Variants in RBFOX3 observed in about 807,000 individuals in gnomAD.
RBFOX3 encodes RNA binding fox-1 homolog 3.
A neutral mutation model predicts 48.7 loss-of-function variants in RBFOX3; 17 were observed. The observed-to-expected ratio is 0.35, with a 90% confidence interval of 0.24 to 0.52. The LOEUF (loss-of-function observed/expected upper bound fraction) is 0.52, where lower values mean the gene tolerates loss of function less well. Among genes scored for constraint, RBFOX3 ranks in the 20% least tolerant of loss-of-function variants. RBFOX3 has a pLI of 0.94. For synonymous variants in RBFOX3, 212 were observed against 209.5 expected, an observed-to-expected ratio of 1.01 and a Z score of -0.10; for missense variants, 382 against 497.5, an observed-to-expected ratio of 0.77 and a Z score of 2.21.
chr17:79,598,911 G>A (rs1238429154), intron 1 of RBFOX3: 1 of 152,134 alleles, frequency 6.6e-6, no homozygotes, highest in Admixed American at 6.6e-5. Flanking sequence ...TCTCATCTCA[G>A]TTCCACAGAG....
chr17:79,546,585 T>A (rs528516881), intron 1 of RBFOX3, among the ~76,000 whole-genome samples: 1 of 151,714 alleles, frequency 6.6e-6, no homozygotes, highest in South Asian at 2.1e-4. Context: ...TCTGACGGCT[T>A]CCCAGCTGCA....
chr17:79,194,162 G>A (rs946395407), intron 4 of RBFOX3, among the ~76,000 whole-genome samples: 11 of 152,184 alleles, frequency 7.2e-5, no homozygotes, highest in African/African-American at 2.2e-4. Flanking sequence ...CGCTGTCCTC[G>A]CTCCCACAGC....
intron 2 of RBFOX3, among the ~76,000 whole-genome samples, chr17:79,320,970 A>C (rs1449095148): frequency 6.6e-6 from 1 of 152,104 alleles, no homozygotes; most frequent in East Asian, 1.9e-4. Flanking sequence ...TCACAGCAAC[A>C]CTGGATCCTA....
chr17:79,293,365 T>TC (rs2073712209), intron 3 of RBFOX3, among the ~76,000 whole-genome samples: 1 of 18,246 alleles, frequency 5.5e-5, no homozygotes, highest in Non-Finnish European at 1.1e-4. Flanking sequence ...CTCCCTCCCC[T>TC]CCCCCTCCCT....
chr17:79,361,140 G>T lies in RBFOX3; in HGVS notation c.-174-53316C>A, dbSNP rs1376262370. Among the ~76,000 whole-genome samples, 1 of 152,042 alleles carries T rather than the reference G, an allele frequency of 6.6e-6. No homozygotes were observed. Among genetic ancestry groups the T allele is most frequent in the East Asian group, 1.9e-4 (1 of 5,174 alleles). On this transcript the variant is annotated intron_variant, in intron 2 of 14. Transcript: ENST00000693108. The surrounding 1 kb of genome is among the most constrained non-coding windows in gnomAD (Gnocchi z 4.5). ...TTTGGCTCCAAAGGTTTGAAAGAGG[G>T]TGACAGACAGCTGTCACCCTCCCTC...
intron 2 of RBFOX3, among the ~76,000 whole-genome samples, chr17:79,353,226 G>A (rs2084301726): frequency 6.6e-6 from 1 of 152,226 alleles, no homozygotes; most frequent in Admixed American, 6.5e-5. Flanking sequence ...TGGTGCGCAA[G>A]TGTGTGTTTG....
chr17:79,116,685 G>C (rs1264918720), intron 4 of RBFOX3, among the ~76,000 whole-genome samples: 1 of 152,240 alleles, frequency 6.6e-6, no homozygotes, highest in South Asian at 2.1e-4. Context: ...GGGGCAGGGA[G>C]GGTTCCAGCC....
chr17:79,540,711 G>A (rs781840946), intron 1 of RBFOX3, among the ~76,000 whole-genome samples: 6 of 152,230 alleles, frequency 3.9e-5, no homozygotes, highest in African/African-American at 9.6e-5. Flanking sequence ...TGTGGCCTCC[G>A]CCAGGTTGTG....
At position 79,091,615 on chromosome 17, in the gene RBFOX3, G is replaced by T. The variant is rs549466675; in HGVS notation, c.1078-730C>A. 2.0e-5 allele frequency among the ~76,000 whole-genome samples: 3 copies of T among 152,338 alleles called. No homozygotes were observed. The South Asian group carries it at 6.2e-4, about 32-fold the overall frequency. ...GAGGGGACTGACCTGGGGCTGACCG[G>T]CCTGCGCTCAGGGGAGGGCCTGAGC... On this transcript the variant is annotated intron_variant, in intron 14 of 14. Coordinates refer to ENST00000693108, the MANE Select transcript of RBFOX3 (RefSeq NM_001350451.2).
At chr17:79,213,380 G>T (rs990807210) in intron 4 of RBFOX3, among the ~76,000 whole-genome samples, 9 of 152,206 alleles carry the variant, frequency 5.9e-5, no homozygotes, top group African/African-American at 1.9e-4. Context: ...GTCTTCACCA[G>T]CAGTCCAGGC....
At chr17:79,563,114 T>G (rs1198225033) in intron 1 of RBFOX3, among the ~76,000 whole-genome samples, 2 of 152,098 alleles carry the variant, frequency 1.3e-5, no homozygotes, top group Non-Finnish European at 2.9e-5. Flanking sequence ...TTAGGAACAT[T>G]TGAAATGAAG....
At chr17:79,123,649 T>A (rs370248294) in intron 4 of RBFOX3, among the ~76,000 whole-genome samples, 3 of 151,996 alleles carry the variant, frequency 2.0e-5, no homozygotes, top group Non-Finnish European at 4.4e-5. Flanking sequence ...CAAGCTCTAG[T>A]GTACCCCACA....
At chr17:79,476,077 G>A (rs2077701859) in intron 2 of RBFOX3, among the ~76,000 whole-genome samples, 1 of 152,334 alleles carries the variant, frequency 6.6e-6, no homozygotes, top group Admixed American at 6.5e-5. Context: ...TGCTCTGGGG[G>A]CCACTGACAC....
chr17:79,136,688 A>G (rs2143772584), intron 4 of RBFOX3, among the ~76,000 whole-genome samples: 1 of 152,122 alleles, frequency 6.6e-6, no homozygotes, highest in East Asian at 1.9e-4. Context: ...GCTGATCCTC[A>G]CCCGGAACCG....
the RBFOX3 span, among the ~76,000 whole-genome samples, chr17:79,620,738 C>A: frequency 6.6e-6 from 1 of 152,226 alleles, no homozygotes; most frequent in Non-Finnish European, 1.5e-5. Flanking sequence ...CCCTCCACAC[C>A]CTGATGCCCT....
At chr17:79,594,208 C>T (rs1203646951) in intron 1 of RBFOX3, among the ~76,000 whole-genome samples, 7 of 152,114 alleles carry the variant, frequency 4.6e-5, no homozygotes, top group African/African-American at 7.2e-5. Flanking sequence ...AGGGCTGAGA[C>T]GGTGCTAGAA....
At chr17:79,237,579 A>G (rs1326929748) in intron 3 of RBFOX3, among the ~76,000 whole-genome samples, 1 of 152,234 alleles carries the variant, frequency 6.6e-6, no homozygotes, top group Non-Finnish European at 1.5e-5. Context: ...CAGAACACCA[A>G]AATGCACAGG....
chr17:79,155,027 G>C (rs2045462883), intron 4 of RBFOX3, among the ~76,000 whole-genome samples: 1 of 152,178 alleles, frequency 6.6e-6, no homozygotes, highest in South Asian at 2.1e-4. Context: ...CATCCAAAGG[G>C]TGGGTGGGGG....
intron 3 of RBFOX3, among the ~76,000 whole-genome samples, chr17:79,298,690 G>T (rs959392343): frequency 5.3e-5 from 8 of 152,180 alleles, no homozygotes; most frequent in Non-Finnish European, 1.2e-4. Flanking sequence ...AGATCCGAGG[G>T]TCATCTCGCC....
Sources: allele counts gnomAD v4.1 joint callset (sites outside exome capture counted in the v4.1 genomes callset), GRCh38; gene constraint gnomAD v4.1.1; non-coding constraint Gnocchi (gnomAD v3.1); transcripts MANE v1.5; gene names NCBI Gene and HGNC (gene_info 2026-07-23, HGNC 2026-07-21).